ZNF527: variants seen among roughly 807,000 people sequenced by gnomAD.
The protein encoded by ZNF527 is zinc finger protein 527.
ZNF527 carries 5 observed loss-of-function variants against 13.5 expected under a neutral mutation model. The ratio of observed to expected loss-of-function variants is 0.37; its 90% confidence interval spans 0.19 to 0.78. The LOEUF is 0.78. Ranked by LOEUF, ZNF527 falls within the 30% of genes least tolerant of loss-of-function variation. The pLI, the probability that ZNF527 is intolerant of heterozygous loss-of-function variation, is 0.48. For synonymous variants in ZNF527, 209 were observed against 243.1 expected, an observed-to-expected ratio of 0.86 and a Z score of 1.30; for missense variants, 628 against 726.4, an observed-to-expected ratio of 0.86 and a Z score of 1.56.
intron 4 of ZNF527, among the ~76,000 whole-genome samples, chr19:37,382,431 C>T (rs1239502098): frequency 1.3e-5 from 2 of 152,092 alleles, no homozygotes; most frequent in African/African-American, 4.8e-5. Flanking sequence ...ATATTAATAA[C>T]TTGATTTCTA....
Position 37,389,837 on chromosome 19 carries a change from C to A in ZNF527, c.1788C>A (p.Ala596=). ...GGAATAATTTTAGCTGTGTCTCAGC[C>A]CTTAGACGACATCAGAGAATTCATA... The part of the protein sequence containing the change: ...ECGNNFSCVS[A]LRRHQRIHNR... Residue 596 remains alanine, a synonymous_variant, in exon 5 of 5, where the codon GCC becomes GCA. Transcript: ENST00000436120. The A allele has an allele frequency of 6.2e-7, 1 of 1,609,704 alleles. No homozygotes were observed. The highest frequency in any genetic ancestry group is 8.5e-7 in the Non-Finnish European group (1 of 1,178,938).
intron 2 of ZNF527, among the ~76,000 whole-genome samples, chr19:37,376,008 A>T (rs2040604662): frequency 6.6e-6 from 1 of 152,180 alleles, no homozygotes; most frequent in Non-Finnish European, 1.5e-5. Context: ...AATGACTGGG[A>T]TGAAGACATC....
At chr19:37,374,309 A>G in intron 2 of ZNF527, 78 bp downstream of exon 2, 7 of 1,361,276 alleles carry the variant, frequency 5.1e-6, no homozygotes, top group Non-Finnish European at 7.3e-6. Flanking sequence ...GAAAATCACA[A>G]ATAGCCCAAT....
At position 37,380,457 on chromosome 19, in the gene ZNF527, G is replaced by A. The variant is rs549787705; in HGVS notation, c.256+85G>A. 1.8e-5 allele frequency: 21 copies of A among 1,146,600 alleles called. No homozygotes were observed. In the South Asian group the frequency reaches 2.3e-4, roughly 13 times the overall value. 71.0% of individuals were successfully genotyped at this position (1,146,600 alleles called of 1,614,324 possible). On this transcript the variant is annotated intron_variant, in intron 4 of 4. Coordinates refer to ENST00000436120, the MANE Select transcript of ZNF527 (RefSeq NM_032453.2). ...TAGGAAACTGTTTTGAGCTTCAGGT[G>A]GGATGAGAACTGAAATCTCCATAGT... is the stretch of plus-strand genomic sequence containing the variant.
intron 4 of ZNF527, among the ~76,000 whole-genome samples, chr19:37,383,784 G>T (rs975591410): frequency 3.3e-5 from 5 of 151,384 alleles, no homozygotes; most frequent in Admixed American, 2.6e-4. Flanking sequence ...TGATCCACCT[G>T]CTTCGGCCTC....
At position 37,390,336 on chromosome 19, in the gene ZNF527, T is replaced by C. The variant is rs1179982391; in HGVS notation, c.*457T>C. The C allele has an allele frequency of 6.1e-6, 1 of 164,344 alleles. No homozygotes were observed. The highest frequency in any genetic ancestry group is 1.3e-5 in the Non-Finnish European group (1 of 75,000). The allele number at this position is 164,344 out of a possible 1,614,324, so 10.2% of individuals were successfully genotyped here. ...GAGCCACCGCGCCTGGCCACATCTG[T>C]TACTTTTTGATCTGTTCTATACCTG... On this transcript the variant is annotated 3_prime_UTR_variant, in exon 5 of 5. Transcript: ENST00000436120.
Position 37,388,943 on chromosome 19 carries a change from A to G in ZNF527, c.894A>G (p.Gly298=), listed in dbSNP as rs760433687. 1.2e-6 allele frequency: 2 copies of G among 1,611,464 alleles called. No homozygotes were observed. The highest frequency in any genetic ancestry group is 1.7e-6 in the Non-Finnish European group (2 of 1,178,184). Residue 298 remains glycine (G), a synonymous_variant, in exon 5 of 5, where the codon GGA becomes GGG. Coordinates refer to ENST00000436120, the MANE Select transcript of ZNF527 (RefSeq NM_032453.2). ...CTCAACCTCAGAGAATTCACAGTGG[A>G]GAAAAACCATATGCATGCAATGACT... The part of the protein sequence containing the change: ...FFTQPQRIHS[G]EKPYACNDCG...
chr19:37,377,237 G>A (rs1334464160), intron 2 of ZNF527, among the ~76,000 whole-genome samples: 1 of 152,136 alleles, frequency 6.6e-6, no homozygotes, highest in Admixed American at 6.6e-5. Flanking sequence ...GGAGAGAGGC[G>A]AAAATGTCTT....
In ZNF527 at chr19:37,380,320, A is replaced by G. The variant is rs2040643377; in HGVS notation, c.204A>G (p.Gln68=). The G allele has an allele frequency of 6.2e-7, 1 of 1,614,016 alleles. No homozygotes were observed. The highest frequency in any genetic ancestry group is 1.7e-5 in the Admixed American group (1 of 60,006). ...CCAACATGATCTCCTTACTGGAGCAAGGGAAGGAACCGTGGATGGTGGAGA... is the reference window on the plus strand; with the variant it reads ...CCAACATGATCTCCTTACTGGAGCAGGGGAAGGAACCGTGGATGGTGGAGA... ...SKPNMISLLE[Q]GKEPWMVERK... Residue 68 remains glutamine, a synonymous_variant, in exon 4 of 5, where the codon CAA becomes CAG. Transcript: ENST00000436120.
At chr19:37,385,187 T>G (rs1465228924) in intron 4 of ZNF527, 1 of 461,892 alleles carries the variant, frequency 2.2e-6, no homozygotes, top group East Asian at 3.2e-5. Flanking sequence ...CATTATTCAT[T>G]TTTCTATGAT....
At chr19:37,375,911 C>T (rs899055926) in intron 2 of ZNF527, among the ~76,000 whole-genome samples, 1 of 152,160 alleles carries the variant, frequency 6.6e-6, no homozygotes, top group African/African-American at 2.4e-5. Context: ...CTAAGTTCCT[C>T]TGAGAGGGAC....
intron 4 of ZNF527, 138 bp from the exon 5 acceptor site, chr19:37,388,168 G>A (rs2146823218): frequency 3.5e-6 from 3 of 853,524 alleles, no homozygotes; most frequent in Admixed American, 5.8e-5. Flanking sequence ...ATATTGCATG[G>A]CCATATTTGG....
chr19:37,385,801 C>T (rs1275860964), intron 4 of ZNF527, among the ~76,000 whole-genome samples: 1 of 152,020 alleles, frequency 6.6e-6, no homozygotes, highest in African/African-American at 2.4e-5. Context: ...AACCTTACTC[C>T]CTTCTCTCTT....
chr19:37,382,852 G>A (rs1419474673), intron 4 of ZNF527, among the ~76,000 whole-genome samples: 2 of 151,994 alleles, frequency 1.3e-5, no homozygotes, highest in African/African-American at 2.4e-5. Flanking sequence ...GACTACAGGC[G>A]CATGCCACCA....
chr19:37,388,879 A>T lies in ZNF527; in HGVS notation c.830A>T (p.Asp277Val). 6.2e-7 allele frequency: 1 copy of T among 1,614,228 alleles called. No individual in the cohort carries two copies. The change falls in exon 5 of 5, where the codon GAT becomes GTT. Residue 277 changes from aspartate (D) to valine (V), a missense_variant. By Grantham distance (152) the Asp-to-Val change is radical. Transcript: ENST00000436120. ...TTTGGAAAATTACCCCATGGATACGATGAATGTGGTGATGCCTTTAGCTGT... is the reference window on the plus strand; with the variant it reads ...TTTGGAAAATTACCCCATGGATACGTTGAATGTGGTGATGCCTTTAGCTGT... ...THFGKLPHGY[D>V]ECGDAFSCYS...
In ZNF527 at chr19:37,381,201, TTTTG is replaced by T. The variant is rs770348802; in HGVS notation, c.256+849_256+852del. Reference sequence around the variant, plus strand: ...CCTGGAGTTAATAATGACTTGGGAATTTTGTTTGTTTGTTTGTTTGTTTTTGCTC... The same window carrying T: ...CCTGGAGTTAATAATGACTTGGGAATTTTGTTTGTTTGTTTGTTTTTGCTC... On this transcript the variant is annotated intron_variant, in intron 4 of 4. Coordinates refer to ENST00000436120, the MANE Select transcript of ZNF527 (RefSeq NM_032453.2). Among the ~76,000 whole-genome samples the T allele has an allele frequency of 4.6e-4, 70 of 152,270 alleles. No homozygotes were observed. The East Asian group carries it at 5.2e-3, about 11-fold the overall frequency.
chr19:37,373,165 T>C lies in ZNF527; in HGVS notation c.-41-993T>C, dbSNP rs116838513. On this transcript the variant is annotated intron_variant, in intron 1 of 4. Transcript: ENST00000436120. ...AGCAGTAGTAGTTCTGAGGATTAAA[T>C]GAGATAATGACACAATGAGATAACC... 6.5e-3 allele frequency among the ~76,000 whole-genome samples: 985 copies of C among 152,322 alleles called. 11 individuals are homozygous for C. Among genetic ancestry groups the C allele is most frequent in the African/African-American group, 0.022 (919 of 41,580 alleles).
chr19:37,382,780 C>A (rs1043173336), intron 4 of ZNF527, among the ~76,000 whole-genome samples: 1 of 152,046 alleles, frequency 6.6e-6, no homozygotes, highest in Admixed American at 6.5e-5. Context: ...AATCTCGGCT[C>A]ACTGCAAGCT....
chr19:37,383,565 T>A (rs1468143976), intron 4 of ZNF527, among the ~76,000 whole-genome samples: 1 of 138,136 alleles, frequency 7.2e-6, no homozygotes, highest in Non-Finnish European at 1.6e-5. Context: ...TGAGACAGAG[T>A]TTTTCTCTTG....
Sources: gnomAD v4.1 joint callset for allele counts (sites outside exome capture counted in the v4.1 genomes callset) on GRCh38, gnomAD v4.1.1 for gene constraint, MANE v1.5 for transcripts, NCBI Gene and HGNC (gene_info 2026-07-23, HGNC 2026-07-21) for gene names.